The following SGCD variants were observed in gnomAD, a reference collection of about 807,000 sequenced individuals.
SGCD encodes the protein sarcoglycan delta, also known as delta-sarcoglycan.
In SGCD, 18 loss-of-function variants were observed where a neutral mutation model predicts 36.6. That is an observed-to-expected ratio of 0.49 (90% CI 0.34 to 0.73). The LOEUF (loss-of-function observed/expected upper bound fraction) is 0.73, where lower values mean the gene tolerates loss of function less well. Among genes scored for constraint, SGCD ranks in the 30% least tolerant of loss-of-function variants. The pLI, the probability that SGCD is intolerant of heterozygous loss-of-function variation, is 0.01. For synonymous variants in SGCD, 133 were observed against 130.6 expected, an observed-to-expected ratio of 1.02 and a Z score of -0.12; for missense variants, 387 against 346.7, an observed-to-expected ratio of 1.12 and a Z score of -0.92.
chr5:156,608,617 T>C (rs533130505), intron 6 of SGCD, among the ~76,000 whole-genome samples: 2 of 152,190 alleles, frequency 1.3e-5, no homozygotes, highest in African/African-American at 4.8e-5. Flanking sequence ...TTCTGTCTCA[T>C]TGATCTGTCT....
At chr5:156,669,916 C>A (rs907489129) in intron 7 of SGCD, among the ~76,000 whole-genome samples, 1 of 151,722 alleles carries the variant, frequency 6.6e-6, no homozygotes, top group Non-Finnish European at 1.5e-5. Flanking sequence ...TCTTGAGTAC[C>A]AAAACGTTTC....
intron 4 of SGCD, among the ~76,000 whole-genome samples, chr5:156,569,923 C>T (rs1026892938): frequency 6.6e-5 from 10 of 152,026 alleles, no homozygotes; most frequent in African/African-American, 2.2e-4. Context: ...AGTAGCAGAC[C>T]GGATCATGTA....
intron 3 of SGCD, among the ~76,000 whole-genome samples, chr5:156,494,472 T>C (rs911170723): frequency 6.6e-6 from 1 of 151,832 alleles, no homozygotes; most frequent in Non-Finnish European, 1.5e-5. Flanking sequence ...CAAAAAAAAA[T>C]TATTTAAGTT....
At chr5:155,873,859 A>G (rs184003683) in intron 1 of SGCD, among the ~76,000 whole-genome samples, 1 of 152,296 alleles carries the variant, frequency 6.6e-6, no homozygotes, top group Admixed American at 6.5e-5. Flanking sequence ...ATTTTAAATT[A>G]TTTAGTCTTC....
At chr5:155,832,465 C>T in the SGCD span, among the ~76,000 whole-genome samples, 9 of 152,130 alleles carry the variant, frequency 5.9e-5, no homozygotes, top group African/African-American at 2.2e-4. Context: ...GGAAACTTCT[C>T]TCTGGTCTTC....
intron 3 of SGCD, among the ~76,000 whole-genome samples, chr5:156,438,850 A>G (rs1368898899): frequency 6.6e-6 from 1 of 152,162 alleles, no homozygotes; most frequent in Non-Finnish European, 1.5e-5. Flanking sequence ...ACAACTCAAC[A>G]TGAACTAAAT....
At chr5:156,448,030 A>T (rs1753822620) in intron 3 of SGCD, among the ~76,000 whole-genome samples, 2 of 152,058 alleles carry the variant, frequency 1.3e-5, no homozygotes, top group Admixed American at 1.3e-4. Context: ...CAGAATTCAA[A>T]CTCAGGTCTG....
At chr5:156,221,806 A>G (rs1764722879) in intron 3 of SGCD, among the ~76,000 whole-genome samples, 2 of 151,990 alleles carry the variant, frequency 1.3e-5, no homozygotes, top group African/African-American at 4.8e-5. Flanking sequence ...AACCCTTATA[A>G]CAAAATTGTG....
chr5:156,695,112 T>TTGTGTGTG (rs370137233), intron 7 of SGCD, among the ~76,000 whole-genome samples: 39 of 129,036 alleles, frequency 3.0e-4, no homozygotes, highest in African/African-American at 1.0e-3. Flanking sequence ...GGTACTGTGT[T>TTGTGTGTG]TGTGTGTGTG....
At chr5:156,327,268 C>T (rs989531017) in intron 1 of SGCD, 36 bp downstream of exon 1, 1 of 152,316 alleles carries the variant, frequency 6.6e-6, no homozygotes, top group Non-Finnish European at 1.5e-5. Flanking sequence ...TTGCACGCGT[C>T]TGTTCACTTT....
chr5:155,904,405 G>C (rs1032533242), intron 1 of SGCD, among the ~76,000 whole-genome samples: 3 of 152,140 alleles, frequency 2.0e-5, no homozygotes, highest in African/African-American at 7.2e-5. Flanking sequence ...ATGATCCAGT[G>C]ATATTTAGTA....
At chr5:155,988,820 G>GA (rs1464169607) in intron 1 of SGCD, among the ~76,000 whole-genome samples, 6 of 152,178 alleles carry the variant, frequency 3.9e-5, no homozygotes, top group Admixed American at 6.5e-5. Context: ...AGACTTAAGT[G>GA]AAACAATACA....
chr5:156,379,837 A>G (rs923456188), intron 3 of SGCD, among the ~76,000 whole-genome samples: 7 of 152,228 alleles, frequency 4.6e-5, no homozygotes, highest in African/African-American at 1.7e-4. Context: ...AATCCAGGAT[A>G]ACACCAGTCT....
intron 6 of SGCD, among the ~76,000 whole-genome samples, chr5:156,618,445 C>G (rs928467106): frequency 2.6e-5 from 4 of 151,896 alleles, no homozygotes; most frequent in African/African-American, 9.7e-5. Context: ...GCAAGAAAGC[C>G]AAATATAAAA....
At chr5:156,465,381 T>A (rs1464865821) in intron 3 of SGCD, among the ~76,000 whole-genome samples, 1 of 152,156 alleles carries the variant, frequency 6.6e-6, no homozygotes, top group Non-Finnish European at 1.5e-5. Flanking sequence ...CCTAGTGAAA[T>A]GAATTGATAT....
At chr5:156,658,635 G>A (rs1299277156) in intron 7 of SGCD, among the ~76,000 whole-genome samples, 2 of 77,998 alleles carry the variant, frequency 2.6e-5, no homozygotes, top group African/African-American at 1.3e-4. Context: ...TTTCTACACA[G>A]ACACAGTAAC....
chr5:156,215,658 A>G (rs1459829224), intron 3 of SGCD, among the ~76,000 whole-genome samples: 1 of 152,190 alleles, frequency 6.6e-6, no homozygotes. Context: ...TAGAATGGCT[A>G]TTATCAAAAT....
intron 1 of SGCD, among the ~76,000 whole-genome samples, chr5:155,871,355 GTCTGCAAATCTTCAAGATTTGC>G (rs780805361): frequency 6.6e-6 from 1 of 152,124 alleles, no homozygotes; most frequent in Non-Finnish European, 1.5e-5. Context: ...TAAATTGAGG[GTCTGCAAATCTTCAAGATTTGC>G]GACCTCTCTG....
chr5:155,931,059 G>A (rs559579568), intron 1 of SGCD, among the ~76,000 whole-genome samples: 3 of 152,134 alleles, frequency 2.0e-5, no homozygotes, highest in South Asian at 4.2e-4. Flanking sequence ...TTTATAAATG[G>A]TTGCATGGGT....
Sources: gnomAD v4.1 joint callset for allele counts (sites outside exome capture counted in the v4.1 genomes callset) on GRCh38, gnomAD v4.1.1 for gene constraint, MANE v1.5 for transcripts, NCBI Gene and HGNC (gene_info 2026-07-23, HGNC 2026-07-21) for gene names.